The following DENND4C variants were observed in gnomAD, a reference collection of about 807,000 sequenced individuals.
DENND4C encodes DENN domain containing 4C.
A neutral mutation model predicts 203.0 loss-of-function variants in DENND4C; 108 were observed. The ratio of observed to expected loss-of-function variants is 0.53; its 90% CI spans 0.46 to 0.62. The LOEUF is 0.62. Ranked by LOEUF, DENND4C falls within the 20% of genes least tolerant of loss-of-function variation. DENND4C has a pLI of 0.00. For synonymous variants in DENND4C, 871 were observed against 792.4 expected, an observed-to-expected ratio of 1.10 and a Z score of -1.67; for missense variants, 2,481 against 2,301.2, an observed-to-expected ratio of 1.08 and a Z score of -1.60.
intron 1 of DENND4C, among the ~76,000 whole-genome samples, chr9:19,262,793 TC>T (rs1437587058): frequency 6.6e-6 from 1 of 152,152 alleles, no homozygotes; most frequent in Non-Finnish European, 1.5e-5. Context: ...GGTCTCAAAC[TC>T]CTGACCTCAA....
intron 1 of DENND4C, among the ~76,000 whole-genome samples, chr9:19,249,718 G>C (rs1826099601): frequency 6.6e-6 from 1 of 152,112 alleles, no homozygotes; most frequent in Non-Finnish European, 1.5e-5. Flanking sequence ...ATGGGGCCTT[G>C]CTGTTTCACA....
At chr9:19,298,914 G>A (rs1837991648) in intron 7 of DENND4C, among the ~76,000 whole-genome samples, 2 of 152,232 alleles carry the variant, frequency 1.3e-5, no homozygotes, top group African/African-American at 4.8e-5. Context: ...AGTCTGTTGA[G>A]TAAATGAATT....
chr9:19,280,230 A>T (rs181912109), intron 2 of DENND4C, among the ~76,000 whole-genome samples: 1 of 151,534 alleles, frequency 6.6e-6, no homozygotes, highest in African/African-American at 2.4e-5. Flanking sequence ...GCTCACTGCA[A>T]CCTCCACCTC....
chr9:19,276,741 G>A (rs766363062), intron 2 of DENND4C: 28 of 258,626 alleles, frequency 1.1e-4, no homozygotes, highest in Non-Finnish European at 1.8e-4. Context: ...ACCCTAAAGT[G>A]TCATTTTGTT....
chr9:19,356,961 T>G lies in DENND4C; in HGVS notation c.4782-11T>G, dbSNP rs1474072917. On this transcript the variant is annotated splice_polypyrimidine_tract_variant and intron_variant, in intron 26 of 32. Transcript: ENST00000434457. The stretch of plus-strand genomic sequence containing the variant: ...TTTAAAGGCTCTTTTTCCCCCCTTT[T>G]CCTTATGTAGCTTTTTCCTGAAACC... The G allele has an allele frequency of 1.2e-6, 2 of 1,611,892 alleles. No individual in the cohort carries two copies. Among genetic ancestry groups the G allele is most frequent in the African/African-American group, 1.3e-5 (1 of 74,916 alleles).
At chr9:19,235,560 A>AT (rs1433726321) in intron 1 of DENND4C, among the ~76,000 whole-genome samples, 1 of 149,652 alleles carries the variant, frequency 6.7e-6, no homozygotes, top group Non-Finnish European at 1.5e-5. Flanking sequence ...TTCAAACCTA[A>AT]TTATCTACCA....
intron 26 of DENND4C, among the ~76,000 whole-genome samples, chr9:19,356,582 C>T (rs1256959257): frequency 6.6e-6 from 1 of 150,702 alleles, no homozygotes; most frequent in Non-Finnish European, 1.5e-5. Context: ...GTTAATATAT[C>T]TTAAAGTGCT....
intron 10 of DENND4C, among the ~76,000 whole-genome samples, chr9:19,315,947 T>A (rs1841771168): frequency 6.6e-6 from 1 of 152,062 alleles, no homozygotes; most frequent in South Asian, 2.1e-4. Flanking sequence ...TATTGTTTCA[T>A]GATCATAGAT....
Position 19,276,425 on chromosome 9 carries a change from A to G in DENND4C, c.251A>G (p.Glu84Gly). The G allele has an allele frequency of 8.1e-7, 1 of 1,232,136 alleles. No homozygotes were observed. Among genetic ancestry groups the G allele is most frequent in the Non-Finnish European group, 1.0e-6 (1 of 987,944 alleles). 76.3% of individuals were successfully genotyped at this position (1,232,136 alleles called of 1,614,324 possible). Reference protein sequence around the residue: ...NLNYGSLKSPELFLCYKRGRD... With the variant: ...NLNYGSLKSPGLFLCYKRGRD... ...AACTATGGAAGTCTGAAAAGCCCAGAACTTTTCCTCTGTTATAAGAGAGGG... is the reference window on the plus strand; with the variant it reads ...AACTATGGAAGTCTGAAAAGCCCAGGACTTTTCCTCTGTTATAAGAGAGGG... The change falls in exon 2 of 33, where the codon GAA (glutamate) becomes GGA (glycine). Residue 84 changes from glutamate to glycine, a missense_variant. By Grantham distance (98) the Glu-to-Gly change is moderately conservative. Coordinates refer to ENST00000434457, the MANE Select transcript of DENND4C (RefSeq NM_001330640.2).
intron 10 of DENND4C, among the ~76,000 whole-genome samples, chr9:19,308,255 A>G (rs1840069940): frequency 6.6e-6 from 1 of 152,206 alleles, no homozygotes; most frequent in African/African-American, 2.4e-5. Context: ...TTTCAACTTA[A>G]TAGCTAATAC....
intron 12 of DENND4C, among the ~76,000 whole-genome samples, chr9:19,319,264 CAT>C (rs1043564497): frequency 4.2e-4 from 60 of 142,066 alleles, no homozygotes; most frequent in African/African-American, 1.4e-3. Context: ...TATGTATAAA[CAT>C]ATATAGTATA....
At chr9:19,342,977 T>C (rs1821983130) in intron 22 of DENND4C, among the ~76,000 whole-genome samples, 198 bp downstream of exon 22, 1 of 152,148 alleles carries the variant, frequency 6.6e-6, no homozygotes, top group African/African-American at 2.4e-5. Flanking sequence ...AAAGGAGTAT[T>C]TAGTGTGTTT....
At chr9:19,289,023 A>T (rs1835758905) in intron 4 of DENND4C, among the ~76,000 whole-genome samples, 1 of 152,156 alleles carries the variant, frequency 6.6e-6, no homozygotes, top group Non-Finnish European at 1.5e-5. Flanking sequence ...CTGCGTCTTT[A>T]CTTCTTATAT....
chr9:19,328,006 G>C (rs890415490), intron 15 of DENND4C, 24 bp from the exon 16 acceptor site: 1 of 1,571,848 alleles, frequency 6.4e-7, no homozygotes, highest in Non-Finnish European at 8.6e-7. Context: ...TAAATCAGCA[G>C]TTCTATTTTT....
intron 1 of DENND4C, among the ~76,000 whole-genome samples, chr9:19,232,064 A>G (rs956426963): frequency 6.6e-6 from 1 of 152,214 alleles, no homozygotes; most frequent in Non-Finnish European, 1.5e-5. Flanking sequence ...GGAAGTTTTC[A>G]TCTTTGAACA....
chr9:19,231,545 T>G (rs1291350073), intron 1 of DENND4C, among the ~76,000 whole-genome samples: 1 of 147,556 alleles, frequency 6.8e-6, no homozygotes, highest in Non-Finnish European at 1.5e-5. Flanking sequence ...TGTCACGTCT[T>G]TTTTTTTTTC....
At position 19,287,636 on chromosome 9, in the gene DENND4C, C is replaced by G. The variant is rs558642109; in HGVS notation, c.558+615C>G. ...TGTTGGAATTACAGGCGTGAGCCAC[C>G]ATGCCCGGCCTGTTTTTGTTTTTGA... On this transcript the variant is annotated intron_variant, in intron 3 of 32. Transcript: ENST00000434457. 9.2e-5 allele frequency among the ~76,000 whole-genome samples: 14 copies of G among 152,214 alleles called. No individual in the cohort carries two copies. In the East Asian group the frequency reaches 1.9e-3, roughly 21 times the overall value.
chr9:19,323,078 G>C lies in DENND4C; in HGVS notation c.1808-1284G>C, dbSNP rs974794700. ...CTAGCACTTTGGGAGGCTGAGATGG[G>C]AGGATCACTTGAGGCCAGGAATTCG... On this transcript the variant is annotated intron_variant, in intron 12 of 32. Transcript: ENST00000434457. Among the ~76,000 whole-genome samples the C allele has an allele frequency of 5.3e-5, 8 of 152,234 alleles. No individual in the cohort carries two copies. In the South Asian group the frequency reaches 1.0e-3, roughly 20 times the overall value.
At chr9:19,238,053 C>T (rs907196016) in intron 1 of DENND4C, among the ~76,000 whole-genome samples, 3 of 151,564 alleles carry the variant, frequency 2.0e-5, no homozygotes, top group Non-Finnish European at 4.4e-5. Context: ...GGGAAGACCC[C>T]TCCTTGACTC....
Sources: allele counts gnomAD v4.1 joint callset (sites outside exome capture counted in the v4.1 genomes callset), GRCh38; gene constraint gnomAD v4.1.1; transcripts MANE v1.5; gene names NCBI Gene and HGNC (gene_info 2026-07-23, HGNC 2026-07-21).